LSM7: variants seen among roughly 807,000 people sequenced by gnomAD.
LSM7 encodes U6 snRNA-associated Sm-like protein LSm7.
A neutral mutation model predicts 14.1 loss-of-function variants in LSM7; 13 were observed. That is an observed-to-expected ratio of 0.92 (90% CI 0.60 to 1.47). LSM7 has a LOEUF of 1.47. Ranked by LOEUF, LSM7 falls within the 40% of genes most tolerant of loss-of-function variation. LSM7 has a pLI of 0.00. For missense variants in LSM7, 108 were observed against 140.8 expected, an observed-to-expected ratio of 0.77 and a Z score of 1.18; for synonymous variants, 70 against 57.1, an observed-to-expected ratio of 1.23 and a Z score of -1.02.
In LSM7 at chr19:2,322,776, C is replaced by T. The variant is rs187530234; in HGVS notation, c.170-954G>A. Reference sequence around the variant, plus strand: ...TTGCTCAGGTTGGAGTGCAGCAGTGCAATCACAGCTCACAGCCTCAACCTC... The same window carrying T: ...TTGCTCAGGTTGGAGTGCAGCAGTGTAATCACAGCTCACAGCCTCAACCTC... On this transcript the variant is annotated intron_variant, in intron 3 of 3. Transcript: ENST00000252622. Among the ~76,000 whole-genome samples the T allele has an allele frequency of 2.1e-3, 327 of 152,264 alleles. 5 individuals carry two copies. The highest frequency in any genetic ancestry group is 4.4e-4 in the Non-Finnish European group (30 of 68,008).
rs80198090 is a variant in LSM7 at position 2,326,312 on chromosome 19, T to G, written c.97+2075A>C. 4.5e-3 allele frequency among the ~76,000 whole-genome samples: 584 copies of G among 129,766 alleles called. 6 individuals carry two copies. The highest frequency in any genetic ancestry group is 0.02 in the Middle Eastern group (5 of 254). 85.1% of individuals were successfully genotyped at this position (129,766 alleles called of 152,430 possible). On this transcript the variant is annotated intron_variant, in intron 2 of 3. Coordinates refer to ENST00000252622, the MANE Select transcript of LSM7 (RefSeq NM_016199.3). ...TCAGGGACCAAACCCTTTCTGCTTT[T>G]TGTGTGTGTGTGTGTGTGTGTGTGT...
At chr19:2,328,217 C>G (rs1968078916) in intron 2 of LSM7, 170 bp downstream of exon 2, 1 of 604,306 alleles carries the variant, frequency 1.7e-6, no homozygotes, top group Admixed American at 3.1e-5. Flanking sequence ...TTGCAGTGAG[C>G]TGAGATCGCA....
intron 2 of LSM7, chr19:2,324,543 C>T (rs948362467): frequency 3.4e-6 from 1 of 296,254 alleles, no homozygotes; most frequent in African/African-American, 2.1e-5. Context: ...AGGCACTGAA[C>T]TGTGAATTTC....
intron 3 of LSM7, among the ~76,000 whole-genome samples, chr19:2,322,165 C>T (rs1016099009): frequency 2.0e-5 from 3 of 152,190 alleles, no homozygotes; most frequent in Admixed American, 6.5e-5. Flanking sequence ...ATCAGATGGC[C>T]GGCCAGAATA....
At position 2,321,595 on chromosome 19, in the gene LSM7, C is replaced by T. The variant is rs186138350; in HGVS notation, c.*85G>A. ...AGGAAAATGCTTCCGTTCCAGGAGG[C>T]GGTACTGCGGTGGGAGCAGCAGCCA... On this transcript the variant is annotated 3_prime_UTR_variant, in exon 4 of 4. Transcript: ENST00000252622. This position sits in a 1 kb window ranked among gnomAD's most constrained non-coding sequence, Gnocchi z 5.0. The T allele has an allele frequency of 3.2e-6, 4 of 1,252,468 alleles. No homozygotes were observed. Among genetic ancestry groups the T allele is most frequent in the East Asian group, 3.1e-5 (1 of 31,790 alleles). The allele number at this position is 1,252,468 out of a possible 1,614,324, so 77.6% of individuals were successfully genotyped here. A position where few individuals can be genotyped will look rare whatever the true frequency, so the allele number is the denominator to read the frequency against.
rs997720454 is a variant in LSM7, at chr19:2,321,644, C to A, written c.*36G>T. 15 of 1,398,546 alleles carry A rather than the reference C, an allele frequency of 1.1e-5. 1 individual carries two copies. The highest frequency in any genetic ancestry group is 2.2e-4 in the Middle Eastern group (1 of 4,558). 86.6% of individuals were successfully genotyped at this position (1,398,546 alleles called of 1,614,324 possible). On this transcript the variant is annotated 3_prime_UTR_variant, in exon 4 of 4. Transcript: ENST00000252622. This position sits in a 1 kb window ranked among gnomAD's most constrained non-coding sequence, Gnocchi z 5.0. ...CAAGTCCGCGGGAAACCGAGCTGCT[C>A]GGGCCTGCCCTGCACCCCCCGCGCC...
At chr19:2,322,884 A>ATTT (rs531109884) in intron 3 of LSM7, among the ~76,000 whole-genome samples, 3 of 143,926 alleles carry the variant, frequency 2.1e-5, no homozygotes, top group African/African-American at 2.5e-5. Flanking sequence ...GGCTAATTAC[A>ATTT]TTTTTTTTTT....
chr19:2,328,477 C>T lies in LSM7; in HGVS notation c.7G>A (p.Asp3Asn). The change falls in exon 2 of 4, where the codon GAT becomes AAT. Residue 3 changes from aspartate to asparagine, a missense_variant and splice_region_variant. Physicochemically the swap from Asp to Asn is conservative, Grantham distance 23 (BLOSUM62 1). Transcript: ENST00000252622. MA[D>N]KEKKKKESIL... ...CTCTCCTTTTTCTTCTTCTCCTTAT[C>T]CTGCGGGGAAAGCAGAGCGCATGAG... The T allele has an allele frequency of 6.2e-7, 1 of 1,613,800 alleles. No homozygotes were observed. Among genetic ancestry groups the T allele is most frequent in the Non-Finnish European group, 8.5e-7 (1 of 1,179,820 alleles).
In LSM7 at chr19:2,326,051, C is replaced by T. The variant is rs181486016; in HGVS notation, c.98-1855G>A. On this transcript the variant is annotated intron_variant, in intron 2 of 3. Transcript: ENST00000252622. ...CTGACCAGTGAGCCCGCCCTCCTCA[C>T]GGGGAGAGATGTGAGCACTGAGGTA... is the stretch of plus-strand genomic sequence containing the variant. The T allele has an allele frequency of 5.9e-5, 9 of 152,366 alleles. No individual in the cohort carries two copies. In the East Asian group the frequency reaches 7.7e-4, roughly 13 times the overall value. 9.4% of individuals were successfully genotyped at this position (152,366 alleles called of 1,614,324 possible).
At chr19:2,323,004 C>T (rs1967957210) in intron 3 of LSM7, among the ~76,000 whole-genome samples, 1 of 152,092 alleles carries the variant, frequency 6.6e-6, no homozygotes, top group Admixed American at 6.6e-5. Context: ...AGGCATGAGC[C>T]ACCATGGCCA....
rs1968088882 is a variant in LSM7, at chr19:2,328,437, G to A, written c.47C>T (p.Ser16Phe). 3.1e-6 allele frequency: 5 copies of A among 1,613,934 alleles called. No homozygotes were observed. The highest frequency in any genetic ancestry group is 4.2e-6 in the Non-Finnish European group (5 of 1,179,872). ...KKKKESILDL[S>F]KYIDKTIRVK... Reference sequence around the variant, plus strand: ...CCGGATCGTCTTGTCGATGTACTTGGACAAGTCCAAGATGCTCTCCTTTTT... The same window carrying A: ...CCGGATCGTCTTGTCGATGTACTTGAACAAGTCCAAGATGCTCTCCTTTTT... Residue 16 changes from serine (S) to phenylalanine (F), a missense_variant, in exon 2 of 4, where the codon TCC (serine) becomes TTC (phenylalanine). Ser to Phe is a radical substitution (Grantham distance 155). Transcript: ENST00000252622.
At chr19:2,326,859 G>A (rs1299464394) in intron 2 of LSM7, among the ~76,000 whole-genome samples, 1 of 152,232 alleles carries the variant, frequency 6.6e-6, no homozygotes, top group East Asian at 1.9e-4. Context: ...TGTAGGGGCA[G>A]ACCACCACGG....
chr19:2,324,914 T>G (rs982421784), intron 2 of LSM7: 1 of 152,892 alleles, frequency 6.5e-6, no homozygotes, highest in Non-Finnish European at 1.5e-5. Context: ...CAGGGCTTCC[T>G]GTAGGGGAGA....
chr19:2,323,275 G>A (rs1486843299), intron 3 of LSM7, among the ~76,000 whole-genome samples: 3 of 152,188 alleles, frequency 2.0e-5, no homozygotes, highest in Admixed American at 2.0e-4. Context: ...AACAAGGGCA[G>A]AAGAGGAAAG....
intron 2 of LSM7, among the ~76,000 whole-genome samples, chr19:2,325,354 C>T (rs2145124546): frequency 6.6e-6 from 1 of 152,062 alleles, no homozygotes; most frequent in South Asian, 2.1e-4. Context: ...GGCCCAGCAG[C>T]AGCTCCACCT....
Position 2,321,601 on chromosome 19 carries a change from T to C in LSM7, c.*79A>G. 4.7e-6 allele frequency: 6 copies of C among 1,288,954 alleles called. No individual in the cohort carries two copies. The highest frequency in any genetic ancestry group is 5.9e-6 in the Non-Finnish European group (6 of 1,009,142). The allele number at this position is 1,288,954 out of a possible 1,614,324, so 79.8% of individuals were successfully genotyped here. ...ATGCTTCCGTTCCAGGAGGCGGTAC[T>C]GCGGTGGGAGCAGCAGCCAAGTCCG... On this transcript the variant is annotated 3_prime_UTR_variant, in exon 4 of 4. Coordinates refer to ENST00000252622, the MANE Select transcript of LSM7 (RefSeq NM_016199.3). The surrounding 1 kb of genome is among the most constrained non-coding windows in gnomAD (Gnocchi z 5.0).
chr19:2,327,631 G>C (rs1968059195), intron 2 of LSM7, among the ~76,000 whole-genome samples: 1 of 152,162 alleles, frequency 6.6e-6, no homozygotes, highest in Admixed American at 6.6e-5. Context: ...TCAAACCCTA[G>C]GGTGAAGCCA....
At chr19:2,324,327 C>T (rs1054115014) in intron 2 of LSM7, 131 bp from the exon 3 acceptor site, 4 of 718,004 alleles carry the variant, frequency 5.6e-6, no homozygotes, top group African/African-American at 5.2e-5. Flanking sequence ...GGAGAGGGCT[C>T]CCGGGAGTGG....
intron 3 of LSM7, among the ~76,000 whole-genome samples, chr19:2,322,344 C>A (rs1227393859): frequency 6.6e-6 from 1 of 152,050 alleles, no homozygotes; most frequent in Non-Finnish European, 1.5e-5. Flanking sequence ...TCGAGACCAT[C>A]CTGGCTAACT....
Sources: allele counts gnomAD v4.1 joint callset (sites outside exome capture counted in the v4.1 genomes callset), GRCh38; gene constraint gnomAD v4.1.1; non-coding constraint Gnocchi (gnomAD v3.1); transcripts MANE v1.5; gene names NCBI Gene and HGNC (gene_info 2026-07-23, HGNC 2026-07-21).